The following HBEGF variants were observed in gnomAD, a reference collection of about 807,000 sequenced individuals.
HBEGF encodes heparin binding EGF like growth factor.
HBEGF carries 8 observed loss-of-function variants against 19.5 expected under a neutral mutation model. The observed-to-expected ratio is 0.41, with a 90% CI of 0.24 to 0.74. HBEGF has a LOEUF of 0.74. Among genes scored for constraint, HBEGF ranks in the 30% least tolerant of loss-of-function variants. HBEGF has a pLI of 0.32. For synonymous variants in HBEGF, 97 were observed against 108.9 expected (o/e 0.89, Z 0.68); for missense variants, 207 against 256.9 (o/e 0.81, Z 1.33).
chr5:140,337,050 C>T (rs1348549802), intron 3 of HBEGF, among the ~76,000 whole-genome samples: 2 of 151,852 alleles, frequency 1.3e-5, no homozygotes, highest in Admixed American at 6.6e-5. Context: ...AGGCTGGTCT[C>T]AAACTCCTGA....
rs1043896912 is a variant in HBEGF at position 140,346,262 on chromosome 5, G to A, written c.46+21C>T. 8 of 1,597,746 alleles carry A rather than the reference G, an allele frequency of 5.0e-6. No homozygotes were observed. The African/African-American group carries it at 1.1e-4, about 21-fold the overall frequency. ...ACGCCCCCATCCCCCCGATCTCCGG[G>A]GGCGTCGGCAGCCCTCTTACCTGCA... On this transcript the variant is annotated intron_variant, in intron 1 of 5. Coordinates refer to ENST00000230990, the MANE Select transcript of HBEGF (RefSeq NM_001945.3). This position sits in a 1 kb window ranked among gnomAD's most constrained non-coding sequence, Gnocchi z 6.1.
intron 5 of HBEGF, 97 bp downstream of exon 5, chr5:140,334,561 C>G (rs2126715582): frequency 1.2e-6 from 1 of 829,014 alleles, no homozygotes; most frequent in Non-Finnish European, 2.1e-6. Context: ...GTAGCCTGGC[C>G]CCCAACCCCT....
At chr5:140,340,493 G>A (rs1317976213) in intron 3 of HBEGF, among the ~76,000 whole-genome samples, 1 of 144,470 alleles carries the variant, frequency 6.9e-6, no homozygotes, top group Non-Finnish European at 1.5e-5. Flanking sequence ...TGAGGCAGGA[G>A]AATTGCTTGA....
At chr5:140,339,017 A>G (rs903638931) in intron 3 of HBEGF, among the ~76,000 whole-genome samples, 3 of 152,234 alleles carry the variant, frequency 2.0e-5, no homozygotes, top group African/African-American at 7.2e-5. Flanking sequence ...CTCATGTAAA[A>G]CACAGGGATA....
rs1481303209 is a variant in HBEGF, at chr5:140,346,195, G to A, written c.46+88C>T. On this transcript the variant is annotated intron_variant, in intron 1 of 5. Transcript: ENST00000230990. The surrounding 1 kb of genome is among the most constrained non-coding windows in gnomAD (Gnocchi z 6.1). ...GCAAGGGCCCCACCAAGTGGCCCGT[G>A]CCGGGTGCGCTGCGGCGACCTTCCC... 7 of 1,554,118 alleles carry A rather than the reference G, an allele frequency of 4.5e-6. No homozygotes were observed. The highest frequency in any genetic ancestry group is 6.1e-6 in the Non-Finnish European group (7 of 1,150,132).
intron 2 of HBEGF, among the ~76,000 whole-genome samples, chr5:140,343,430 C>G (rs941961968): frequency 2.6e-5 from 4 of 152,184 alleles, no homozygotes; most frequent in Admixed American, 2.6e-4. Context: ...CACGGCCTTG[C>G]TTTTTCAACT....
chr5:140,346,169 C>A lies in HBEGF; in HGVS notation c.47-85G>T. On this transcript the variant is annotated intron_variant, in intron 1 of 5. Coordinates refer to ENST00000230990, the MANE Select transcript of HBEGF (RefSeq NM_001945.3). The surrounding 1 kb of genome is among the most constrained non-coding windows in gnomAD (Gnocchi z 6.1). ...CGATGCCGACGCCCGTCCGCCAGAG[C>A]GCAAGGGCCCCACCAAGTGGCCCGT... The A allele has an allele frequency of 2.6e-6, 4 of 1,558,604 alleles. 2 individuals are homozygous for A. In the Middle Eastern group the frequency reaches 7.2e-4, roughly 280 times the overall value.
chr5:140,342,568 A>T (rs1023702540), intron 3 of HBEGF, 67 bp downstream of exon 3: 9 of 1,444,332 alleles, frequency 6.2e-6, no homozygotes, highest in Non-Finnish European at 8.7e-6. Context: ...AACAGTGACA[A>T]CGAGGAACAG....
At chr5:140,334,319 T>C (rs1478035964) in intron 5 of HBEGF, 39 bp from the exon 6 acceptor site, 4 of 241,684 alleles carry the variant, frequency 1.7e-5, no homozygotes, top group Non-Finnish European at 3.2e-5. Flanking sequence ...CCAGGTCCAG[T>C]CTAAAGAAGT....
rs1766202347 is a variant in HBEGF at position 140,334,750 on chromosome 5, T to C, written c.555-2A>G. ...TCATAACCTCCTCTCCTATGGTACC[T>C]GAGGAAGATAAGTTTTGTGAATAAG... On this transcript the variant is annotated splice_acceptor_variant, in intron 4 of 5. Transcript: ENST00000230990. LOFTEE classifies it high-confidence loss of function. The C allele has an allele frequency of 6.2e-7, 1 of 1,610,816 alleles. No individual in the cohort carries two copies. Among genetic ancestry groups the C allele is most frequent in the Non-Finnish European group, 8.5e-7 (1 of 1,176,952 alleles).
chr5:140,346,220 C>G lies in HBEGF; in HGVS notation c.46+63G>C, dbSNP rs1346577873. 3.8e-6 allele frequency: 6 copies of G among 1,563,260 alleles called. No homozygotes were observed. The highest frequency in any genetic ancestry group is 5.2e-6 in the Non-Finnish European group (6 of 1,155,128). On this transcript the variant is annotated intron_variant, in intron 1 of 5. Coordinates refer to ENST00000230990, the MANE Select transcript of HBEGF (RefSeq NM_001945.3). This position sits in a 1 kb window ranked among gnomAD's most constrained non-coding sequence, Gnocchi z 6.1. ...GCCGGGTGCGCTGCGGCGACCTTCC[C>G]CCATGCCCCCAGCACAACGCCCCCA...
chr5:140,341,549 G>A (rs1307262759), intron 3 of HBEGF, among the ~76,000 whole-genome samples: 2 of 152,220 alleles, frequency 1.3e-5, no homozygotes, highest in African/African-American at 4.8e-5. Flanking sequence ...GGGTCTGTCT[G>A]CCAACTGCCA....
At chr5:140,335,034 C>A in intron 4 of HBEGF, 1 of 460,900 alleles carries the variant, frequency 2.2e-6, no homozygotes, top group Non-Finnish European at 3.9e-6. Context: ...GGTTACAATC[C>A]TCAGAAAGAC....
At chr5:140,338,617 TG>T (rs1409600552) in intron 3 of HBEGF, among the ~76,000 whole-genome samples, 1 of 152,158 alleles carries the variant, frequency 6.6e-6, no homozygotes, top group Non-Finnish European at 1.5e-5. Flanking sequence ...AGGATAATAA[TG>T]TAAACATCCT....
At chr5:140,340,218 G>A (rs529715193) in intron 3 of HBEGF, among the ~76,000 whole-genome samples, 17 of 152,016 alleles carry the variant, frequency 1.1e-4, no homozygotes, top group South Asian at 1.0e-3. Context: ...TCTGGGAGGC[G>A]GAGGCTGCAG....
At chr5:140,334,593 C>T in intron 5 of HBEGF, 65 bp downstream of exon 5, 2 of 1,112,854 alleles carry the variant, frequency 1.8e-6, no homozygotes, top group Non-Finnish European at 1.4e-6. Flanking sequence ...TCAGCACCCA[C>T]TGAAGCACAG....
chr5:140,340,273 G>A (rs569661586), intron 3 of HBEGF, among the ~76,000 whole-genome samples: 21 of 146,844 alleles, frequency 1.4e-4, no homozygotes, highest in East Asian at 1.4e-3. Flanking sequence ...GTGACAGAGC[G>A]AGATTCCATC....
chr5:140,334,759 T>C lies in HBEGF; in HGVS notation c.555-11A>G, dbSNP rs767078244. 24 of 1,609,730 alleles carry C rather than the reference T, an allele frequency of 1.5e-5. No homozygotes were observed. The highest frequency in any genetic ancestry group is 8.3e-5 in the Admixed American group (5 of 59,998). On this transcript the variant is annotated splice_polypyrimidine_tract_variant and intron_variant, in intron 4 of 5. Coordinates refer to ENST00000230990, the MANE Select transcript of HBEGF (RefSeq NM_001945.3). ...CCTCTCCTATGGTACCTGAGGAAGA[T>C]AAGTTTTGTGAATAAGCCCTGCCTG...
At position 140,346,212 on chromosome 5, in the gene HBEGF, G is replaced by T. The variant is rs1766397734; in HGVS notation, c.46+71C>A. On this transcript the variant is annotated intron_variant, in intron 1 of 5. Transcript: ENST00000230990. This position sits in a 1 kb window ranked among gnomAD's most constrained non-coding sequence, Gnocchi z 6.1. ...TGGCCCGTGCCGGGTGCGCTGCGGC[G>T]ACCTTCCCCCATGCCCCCAGCACAA... is the stretch of plus-strand genomic sequence containing the variant. 3 of 1,557,804 alleles carry T rather than the reference G, an allele frequency of 1.9e-6. No individual in the cohort carries two copies. The highest frequency in any genetic ancestry group is 1.4e-5 in the African/African-American group (1 of 73,386).
Sources: allele counts gnomAD v4.1 joint callset (sites outside exome capture counted in the v4.1 genomes callset), GRCh38; gene constraint gnomAD v4.1.1; non-coding constraint Gnocchi (gnomAD v3.1); transcripts MANE v1.5; gene names NCBI Gene and HGNC (gene_info 2026-07-23, HGNC 2026-07-21).